The following QTMAN variants were observed in gnomAD, a reference collection of about 807,000 sequenced individuals.
QTMAN encodes queuosine-tRNA mannosyltransferase.
At chr2:144,052,842 G>C in the QTMAN span, among the ~76,000 whole-genome samples, 3 of 152,150 alleles carry the variant, frequency 2.0e-5, no homozygotes, top group Non-Finnish European at 2.9e-5. Flanking sequence ...GTAGAGACAG[G>C]GTTTCTCCAT....
the QTMAN span, among the ~76,000 whole-genome samples, chr2:143,956,463 T>C: frequency 4.5e-4 from 69 of 152,266 alleles, no homozygotes; most frequent in African/African-American, 1.6e-3. Context: ...ATATTACACA[T>C]ATACACATAT....
chr2:144,254,475 C>T, the QTMAN span, among the ~76,000 whole-genome samples: 1 of 152,094 alleles, frequency 6.6e-6, no homozygotes, highest in East Asian at 1.9e-4. Flanking sequence ...GGAACCTCCA[C>T]CTATATTTCA....
At chr2:143,963,623 A>C in the QTMAN span, among the ~76,000 whole-genome samples, 1 of 151,848 alleles carries the variant, frequency 6.6e-6, no homozygotes, top group Non-Finnish European at 1.5e-5. Flanking sequence ...TATTTTGTTC[A>C]GATTTTAGAA....
chr2:144,093,456 A>C, the QTMAN span, among the ~76,000 whole-genome samples: 1 of 152,320 alleles, frequency 6.6e-6, no homozygotes, highest in South Asian at 2.1e-4. Flanking sequence ...TTGTTTCCAA[A>C]ATGGGCTTCA....
the QTMAN span, chr2:144,007,074 A>G: frequency 5.8e-6 from 4 of 686,192 alleles, no homozygotes; most frequent in African/African-American, 3.7e-5. Flanking sequence ...ACATTAAAAT[A>G]ATCTTTTTCT....
chr2:144,112,803 G>A, the QTMAN span, among the ~76,000 whole-genome samples: 4 of 152,162 alleles, frequency 2.6e-5, no homozygotes, highest in Non-Finnish European at 4.4e-5. Flanking sequence ...CGATGTCAGA[G>A]AGGACTTAAT....
chr2:144,108,548 G>C, the QTMAN span, among the ~76,000 whole-genome samples: 2 of 151,734 alleles, frequency 1.3e-5, no homozygotes, highest in African/African-American at 4.8e-5. Context: ...TGAGGCAGGA[G>C]AATAGCATGA....
the QTMAN span, among the ~76,000 whole-genome samples, chr2:144,005,045 CAACA>C: frequency 3.3e-5 from 5 of 151,978 alleles, no homozygotes; most frequent in African/African-American, 9.7e-5. Flanking sequence ...GCTCTCTGTA[CAACA>C]AATAGCTATC....
chr2:144,165,226 C>T, the QTMAN span, among the ~76,000 whole-genome samples: 1 of 151,952 alleles, frequency 6.6e-6, no homozygotes, highest in Non-Finnish European at 1.5e-5. Context: ...AAACATTAGC[C>T]AGGCATGGTA....
chr2:144,075,076 T>A, the QTMAN span, among the ~76,000 whole-genome samples: 1 of 152,228 alleles, frequency 6.6e-6, no homozygotes, highest in Non-Finnish European at 1.5e-5. Context: ...ATTAGTATTA[T>A]AATTGATAGT....
chr2:144,142,611 G>A, the QTMAN span, among the ~76,000 whole-genome samples: 1 of 151,958 alleles, frequency 6.6e-6, no homozygotes, highest in Admixed American at 6.6e-5. Flanking sequence ...ACTGTGTTAA[G>A]TTTTTAAAAG....
chr2:144,187,746 A>C, the QTMAN span, among the ~76,000 whole-genome samples: 1 of 152,182 alleles, frequency 6.6e-6, no homozygotes, highest in Admixed American at 6.5e-5. Context: ...GAATTCTGGG[A>C]TGATGATGAT....
At chr2:144,117,520 A>G in the QTMAN span, among the ~76,000 whole-genome samples, 3 of 152,250 alleles carry the variant, frequency 2.0e-5, no homozygotes, top group Non-Finnish European at 4.4e-5. Context: ...TAATTTTCTA[A>G]GCACATTAAG....
the QTMAN span, among the ~76,000 whole-genome samples, chr2:144,249,224 GA>G: frequency 6.6e-6 from 1 of 152,092 alleles, no homozygotes; most frequent in Non-Finnish European, 1.5e-5. Context: ...GGCAAAACCA[GA>G]AAACGCTCAT....
the QTMAN span, among the ~76,000 whole-genome samples, chr2:143,958,337 A>G: frequency 6.6e-6 from 1 of 152,176 alleles, no homozygotes; most frequent in Non-Finnish European, 1.5e-5. Flanking sequence ...AAATAAAGGC[A>G]AGCAGCAGTT....
At chr2:144,041,914 G>A in the QTMAN span, among the ~76,000 whole-genome samples, 4 of 152,118 alleles carry the variant, frequency 2.6e-5, no homozygotes, top group Non-Finnish European at 5.9e-5. Context: ...GCAGGGGCAG[G>A]ATTTTACTAT....
At chr2:144,132,261 A>G in the QTMAN span, among the ~76,000 whole-genome samples, 1 of 151,954 alleles carries the variant, frequency 6.6e-6, no homozygotes, top group Admixed American at 6.6e-5. Context: ...CATTACACCT[A>G]ATTTTTTGAG....
At chr2:143,963,569 G>C in the QTMAN span, among the ~76,000 whole-genome samples, 1 of 151,770 alleles carries the variant, frequency 6.6e-6, no homozygotes, top group South Asian at 2.1e-4. Flanking sequence ...GGTAGGACAT[G>C]TTTTCCTTCA....
At chr2:144,313,990 A>C in the QTMAN span, among the ~76,000 whole-genome samples, 2 of 151,874 alleles carry the variant, frequency 1.3e-5, no homozygotes, top group African/African-American at 4.8e-5. Flanking sequence ...AAAGTTATAT[A>C]TATAATTATA....
Sources: allele counts gnomAD v4.1 joint callset (sites outside exome capture counted in the v4.1 genomes callset), GRCh38; gene constraint gnomAD v4.1.1; transcripts MANE v1.5; gene names NCBI Gene and HGNC (gene_info 2026-07-23, HGNC 2026-07-21).